The following ZBTB34 variants were observed in gnomAD, a reference collection of about 807,000 sequenced individuals.
ZBTB34 encodes zinc finger and BTB domain-containing protein 34.
In ZBTB34, 1 loss-of-function variant was observed where a neutral mutation model predicts 33.4. The ratio of observed to expected loss-of-function variants is 0.03; its 90% CI spans 0.01 to 0.14. The LOEUF (loss-of-function observed/expected upper bound fraction) is 0.14, where lower values mean the gene tolerates loss of function less well. ZBTB34 is among the 10% of genes least tolerant of loss of function. The probability of loss-of-function intolerance (pLI) is 1.00; values close to 1 mark genes in which losing one functional copy is unlikely to be tolerated. For missense variants in ZBTB34, 406 were observed against 657.2 expected (o/e 0.62, Z 4.18); for synonymous variants, 283 against 253.5 (o/e 1.12, Z -1.11).
Position 126,879,968 on chromosome 9 carries a change from C to G in ZBTB34, c.569C>G (p.Pro190Arg). ...AGTGACCTCCGGATGGAGACGACCC[C>G]CAGCAAAGCTTTGCGCAGCCGCTTA... The change falls in exon 2 of 2, where the codon CCC becomes CGC. Residue 190 changes from proline (P) to arginine (R), a missense_variant. This residue lies in a region of ZBTB34 where 137 missense variants were observed against 173.0 expected (regional missense o/e 0.79). Coordinates refer to ENST00000319119, the Ensembl canonical transcript of ZBTB34. The surrounding 1 kb of genome is among the most constrained non-coding windows in gnomAD (Gnocchi z 6.4). 6.2e-7 allele frequency: 1 copy of G among 1,613,310 alleles called. No individual in the cohort carries two copies. The highest frequency in any genetic ancestry group is 8.5e-7 in the Non-Finnish European group (1 of 1,179,886).
chr9:126,884,217 A>G lies in ZBTB34; in HGVS notation c.*3303A>G, dbSNP rs141466174. The G allele has an allele frequency of 2.0e-3, 330 of 167,156 alleles. 1 individual carries two copies. The highest frequency in any genetic ancestry group is 5.8e-3 in the East Asian group (30 of 5,188). 10.4% of individuals were successfully genotyped at this position (167,156 alleles called of 1,614,324 possible). A position where few individuals can be genotyped will look rare whatever the true frequency, so the allele number is the denominator to read the frequency against. On this transcript the variant is annotated 3_prime_UTR_variant, in exon 2 of 2. Transcript: ENST00000319119. The stretch of plus-strand genomic sequence containing the variant: ...GAAGACAGTGACAGCGTCCTTTTCT[A>G]GAGATATTTAGCCTGTTATTACAAA...
chr9:126,868,754 C>T (rs1250174047), intron 1 of ZBTB34, among the ~76,000 whole-genome samples: 2 of 152,192 alleles, frequency 1.3e-5, no homozygotes, highest in Non-Finnish European at 2.9e-5. Flanking sequence ...CCTGTGTCTT[C>T]TTGGCAGCAT....
At chr9:126,868,277 C>A (rs191859359) in intron 1 of ZBTB34, among the ~76,000 whole-genome samples, 1 of 152,042 alleles carries the variant, frequency 6.6e-6, no homozygotes, top group Non-Finnish European at 1.5e-5. Flanking sequence ...TGGGATCTTG[C>A]GAAGATGTCA....
chr9:126,871,039 C>T (rs1299791066), intron 1 of ZBTB34, among the ~76,000 whole-genome samples: 1 of 152,126 alleles, frequency 6.6e-6, no homozygotes, highest in Non-Finnish European at 1.5e-5. Flanking sequence ...GGAAGGAGGC[C>T]CTTCCCTGTG....
At chr9:126,862,118 G>A (rs1240266365) in intron 1 of ZBTB34, among the ~76,000 whole-genome samples, 1 of 152,168 alleles carries the variant, frequency 6.6e-6, no homozygotes, top group Non-Finnish European at 1.5e-5. Flanking sequence ...CGAGTGGTTA[G>A]GGAGGGTTTA....
intron 1 of ZBTB34, among the ~76,000 whole-genome samples, chr9:126,872,175 T>G (rs1391989712): frequency 6.6e-6 from 1 of 151,816 alleles, no homozygotes; most frequent in Admixed American, 6.6e-5. Flanking sequence ...GGTCTCGACC[T>G]CCCAACCTGA....
At chr9:126,882,655 G>A (rs1036988068) in exon 2 of ZBTB34, 1 of 167,064 alleles carries the variant, frequency 6.0e-6, no homozygotes, top group Admixed American at 6.5e-5. Flanking sequence ...CTCCATAGGA[G>A]AACAGTGCAG....
intron 1 of ZBTB34, among the ~76,000 whole-genome samples, chr9:126,874,033 G>GTTC (rs1418883938): frequency 8.8e-6 from 1 of 113,486 alleles, no homozygotes; most frequent in Non-Finnish European, 1.8e-5. Flanking sequence ...TGCTGTGTAT[G>GTTC]TTCTTTTTTT....
chr9:126,883,940 C>T (rs1480795942), exon 2 of ZBTB34: 1 of 167,114 alleles, frequency 6.0e-6, no homozygotes, highest in African/African-American at 2.4e-5. Flanking sequence ...AACATTCTCT[C>T]CCTGAAGTTC....
chr9:126,874,393 G>A (rs1422082666), intron 1 of ZBTB34, among the ~76,000 whole-genome samples: 3 of 151,874 alleles, frequency 2.0e-5, no homozygotes, highest in Non-Finnish European at 4.4e-5. Context: ...TTCTACCTCG[G>A]TGTTTTGTTT....
At chr9:126,871,509 C>T (rs948632457) in intron 1 of ZBTB34, among the ~76,000 whole-genome samples, 8 of 151,926 alleles carry the variant, frequency 5.3e-5, no homozygotes, top group Non-Finnish European at 8.8e-5. Context: ...ATTACAGGCG[C>T]GTGCCACCAC....
intron 1 of ZBTB34, among the ~76,000 whole-genome samples, chr9:126,875,460 A>G (rs1474630638): frequency 6.6e-6 from 1 of 152,080 alleles, no homozygotes; most frequent in Admixed American, 6.6e-5. Flanking sequence ...ATGGTATTGA[A>G]TCATCCTGCC....
At chr9:126,870,020 G>A (rs1486512236) in intron 1 of ZBTB34, among the ~76,000 whole-genome samples, 1 of 152,124 alleles carries the variant, frequency 6.6e-6, no homozygotes, top group Non-Finnish European at 1.5e-5. Context: ...AATAAATCCA[G>A]CTTGTATGTG....
intron 1 of ZBTB34, among the ~76,000 whole-genome samples, chr9:126,870,904 G>C (rs1038368856): frequency 4.0e-5 from 6 of 151,654 alleles, no homozygotes; most frequent in African/African-American, 1.5e-4. Flanking sequence ...TCCAGCCTGG[G>C]CCACAGAGTG....
intron 1 of ZBTB34, among the ~76,000 whole-genome samples, chr9:126,866,352 G>T (rs574431494): frequency 1.8e-4 from 28 of 152,224 alleles, no homozygotes; most frequent in African/African-American, 6.7e-4. Context: ...AATTCTGTTT[G>T]AGTTCTCTGA....
Position 126,879,380 on chromosome 9 carries a change from C to T in ZBTB34, c.-10-10C>T, listed in dbSNP as rs1254375804. The T allele has an allele frequency of 3.8e-6, 6 of 1,585,362 alleles. No individual in the cohort carries two copies. Among genetic ancestry groups the T allele is most frequent in the Non-Finnish European group, 5.2e-6 (6 of 1,164,624 alleles). ...CATTGGTGAATGATGCAAACTCTCTCTCTCCGCAGAGTACGCTTCATGTCA... is the reference window on the plus strand; with the variant it reads ...CATTGGTGAATGATGCAAACTCTCTTTCTCCGCAGAGTACGCTTCATGTCA... On this transcript the variant is annotated splice_polypyrimidine_tract_variant and intron_variant, in intron 1 of 1. Transcript: ENST00000319119. The surrounding 1 kb of genome is among the most constrained non-coding windows in gnomAD (Gnocchi z 6.4).
rs765061780 is a variant in ZBTB34, at chr9:126,880,846, G to C, written c.1447G>C (p.Ala483Pro). 1.2e-6 allele frequency: 2 copies of C among 1,613,458 alleles called. No individual in the cohort carries two copies. Among genetic ancestry groups the C allele is most frequent in the Non-Finnish European group, 8.5e-7 (1 of 1,179,862 alleles). ...CGTGGAACAGAAACTAGAAAATGAC[G>C]CATCGGCCTCAGAGATGGGCCTAGA... The change falls in exon 2 of 2, where the codon GCA becomes CCA. Residue 483 changes from alanine to proline, a missense_variant. Around this residue, in one of 6 missense-constraint regions of ZBTB34, gnomAD observed 58 missense variants for 58.7 expected, o/e 0.99. Coordinates refer to ENST00000319119, the Ensembl canonical transcript of ZBTB34. This position sits in a 1 kb window ranked among gnomAD's most constrained non-coding sequence, Gnocchi z 6.7.
chr9:126,881,952 T>G lies in ZBTB34; in HGVS notation c.*1038T>G, dbSNP rs41274418. The G allele has an allele frequency of 2.6e-3, 436 of 166,700 alleles. 3 individuals are homozygous for G. The highest frequency in any genetic ancestry group is 3.7e-3 in the Non-Finnish European group (253 of 68,060). 10.3% of individuals were successfully genotyped at this position (166,700 alleles called of 1,614,324 possible). A position where few individuals can be genotyped will look rare whatever the true frequency, so the allele number is the denominator to read the frequency against. On this transcript the variant is annotated 3_prime_UTR_variant, in exon 2 of 2. Coordinates refer to ENST00000319119, the Ensembl canonical transcript of ZBTB34. ...CAAAATTCTCCAAGCAGTGTTGTGGTTTTTTTTGTTTTTGTTTTTTTTCTT... is the reference window on the plus strand; with the variant it reads ...CAAAATTCTCCAAGCAGTGTTGTGGGTTTTTTTGTTTTTGTTTTTTTTCTT...
chr9:126,881,882 T>C (rs891858681), exon 2 of ZBTB34: 2 of 166,958 alleles, frequency 1.2e-5, no homozygotes, highest in African/African-American at 4.8e-5. Context: ...TATCATGAGT[T>C]AGTACTCACT....
Sources: gnomAD v4.1 joint callset for allele counts (sites outside exome capture counted in the v4.1 genomes callset) on GRCh38, gnomAD v4.1.1 for gene constraint, gnomAD v4.1.1 regional missense constraint, Gnocchi (gnomAD v3.1) non-coding constraint, MANE v1.5 for transcripts, NCBI Gene and HGNC (gene_info 2026-07-23, HGNC 2026-07-21) for gene names.